TCF4: variants seen among roughly 807,000 people sequenced by gnomAD.
TCF4 encodes transcription factor 4.
Under a neutral mutation model 82.1 loss-of-function variants are expected in TCF4, and 3 were observed. The ratio of observed to expected loss-of-function variants is 0.04; its 90% CI spans 0.02 to 0.09. The LOEUF is 0.09. Ranked by LOEUF, TCF4 falls within the 10% of genes least tolerant of loss-of-function variation. TCF4 has a pLI of 1.00. For missense variants in TCF4, 518 were observed against 852.7 expected (o/e 0.61, Z 4.89); for synonymous variants, 276 against 309.6 (o/e 0.89, Z 1.14).
chr18:55,316,303 A>G lies in TCF4; in HGVS notation c.549+34056T>C, dbSNP rs374852839. Among the ~76,000 whole-genome samples the G allele has an allele frequency of 6.6e-5, 10 of 152,226 alleles. No homozygotes were observed. In the East Asian group the frequency reaches 7.7e-4, roughly 12 times the overall value. On this transcript the variant is annotated intron_variant, in intron 8 of 19. Transcript: ENST00000354452. Reference sequence around the variant, plus strand: ...CAACTTTTACAATTGCCAGAACCACATCTAAAATCTCTAAATTTTCTGAAT... The same window carrying G: ...CAACTTTTACAATTGCCAGAACCACGTCTAAAATCTCTAAATTTTCTGAAT...
intron 15 of TCF4, among the ~76,000 whole-genome samples, chr18:55,248,839 A>C (rs1166446651): frequency 6.6e-6 from 1 of 152,028 alleles, no homozygotes; most frequent in Non-Finnish European, 1.5e-5. Flanking sequence ...GTGCCTCCAG[A>C]GTTCAAGCAA....
chr18:55,517,689 A>C (rs1250378980), intron 3 of TCF4, among the ~76,000 whole-genome samples: 1 of 152,208 alleles, frequency 6.6e-6, no homozygotes, highest in African/African-American at 2.4e-5. Context: ...TTCAAATGAG[A>C]TGGGAAGGCT....
intron 1 of TCF4, among the ~76,000 whole-genome samples, chr18:55,635,508 C>CAAA (rs1277113038): frequency 8.9e-6 from 1 of 111,998 alleles, no homozygotes; most frequent in Non-Finnish European, 1.9e-5. Flanking sequence ...GGCCCTGTCT[C>CAAA]AAAAAAAAAA....
chr18:55,326,733 C>G (rs996563015), intron 8 of TCF4, among the ~76,000 whole-genome samples: 1 of 152,072 alleles, frequency 6.6e-6, no homozygotes, highest in Non-Finnish European at 1.5e-5. Context: ...TATTTAGAAG[C>G]TAAACTAATT....
intron 3 of TCF4, among the ~76,000 whole-genome samples, chr18:55,510,052 A>G (rs1201271868): frequency 6.6e-6 from 1 of 152,166 alleles, no homozygotes; most frequent in Non-Finnish European, 1.5e-5. Context: ...ATTTTCTGAC[A>G]CTGCTTTTCA....
intron 5 of TCF4, among the ~76,000 whole-genome samples, chr18:55,415,574 A>C (rs990282747): frequency 6.6e-5 from 10 of 152,196 alleles, no homozygotes; most frequent in African/African-American, 2.2e-4. Flanking sequence ...CAGTCAGCCG[A>C]TGAGTGGCAT....
chr18:55,496,901 A>G (rs1333009180), intron 3 of TCF4, among the ~76,000 whole-genome samples: 1 of 151,780 alleles, frequency 6.6e-6, no homozygotes, highest in African/African-American at 2.4e-5. Flanking sequence ...AATTACAAAA[A>G]AAAAAAAAAA....
chr18:55,340,674 C>A (rs1166519203), intron 8 of TCF4, among the ~76,000 whole-genome samples: 1 of 151,580 alleles, frequency 6.6e-6, no homozygotes. Context: ...ATAGCTGAGA[C>A]CCTGGTCTTA....
At chr18:55,556,241 TG>T (rs979579626) in intron 3 of TCF4, among the ~76,000 whole-genome samples, 110 of 152,244 alleles carry the variant, frequency 7.2e-4, no homozygotes, top group African/African-American at 2.5e-3. Context: ...TTTTCCACAA[TG>T]CTCTGTATCT....
intron 3 of TCF4, among the ~76,000 whole-genome samples, chr18:55,581,253 C>A (rs573813755): frequency 8.6e-5 from 13 of 151,982 alleles, no homozygotes; most frequent in Admixed American, 2.0e-4. Flanking sequence ...ATTTGCAGGG[C>A]CATAGAGAAT....
At chr18:55,306,935 G>A (rs1185096158) in intron 8 of TCF4, among the ~76,000 whole-genome samples, 2 of 152,172 alleles carry the variant, frequency 1.3e-5, no homozygotes, top group Admixed American at 6.5e-5. Flanking sequence ...GGTGGGGGCA[G>A]GGGGAATAAA....
intron 8 of TCF4, among the ~76,000 whole-genome samples, chr18:55,306,025 A>C (rs2070205150): frequency 6.6e-6 from 1 of 152,106 alleles, no homozygotes; most frequent in Non-Finnish European, 1.5e-5. Context: ...ACCAGGTTGG[A>C]TTTTGTTTGC....
chr18:55,256,638 C>A (rs2056914942), intron 14 of TCF4, among the ~76,000 whole-genome samples: 2 of 152,144 alleles, frequency 1.3e-5, no homozygotes, highest in East Asian at 1.9e-4. Context: ...AAAACCTCAA[C>A]CCCGAGGAAC....
At chr18:55,334,863 G>T (rs2147840235) in intron 8 of TCF4, among the ~76,000 whole-genome samples, 1 of 152,258 alleles carries the variant, frequency 6.6e-6, no homozygotes, top group East Asian at 1.9e-4. Flanking sequence ...CATTTAAATG[G>T]CTTAATATCT....
chr18:55,388,894 C>T (rs192856243), intron 6 of TCF4, among the ~76,000 whole-genome samples: 22 of 152,048 alleles, frequency 1.4e-4, no homozygotes, highest in South Asian at 4.2e-4. Context: ...GAGGCCGAGG[C>T]GGGTGGATCA....
chr18:55,524,362 T>TAA (rs566442434), intron 3 of TCF4, among the ~76,000 whole-genome samples: 1 of 149,278 alleles, frequency 6.7e-6, no homozygotes, highest in Non-Finnish European at 1.5e-5. Context: ...TAATTCAATT[T>TAA]AAAAAAAAAA....
At chr18:55,567,269 T>G (rs1479994029) in intron 3 of TCF4, among the ~76,000 whole-genome samples, 1 of 152,204 alleles carries the variant, frequency 6.6e-6, no homozygotes, top group Admixed American at 6.5e-5. Flanking sequence ...ATAAAGGGTT[T>G]AATTAACCAG....
At chr18:55,387,876 G>A (rs1262727059) in intron 6 of TCF4, among the ~76,000 whole-genome samples, 1 of 152,134 alleles carries the variant, frequency 6.6e-6, no homozygotes, top group African/African-American at 2.4e-5. Context: ...AAGAAAGCGG[G>A]TACAAAGACA....
intron 5 of TCF4, among the ~76,000 whole-genome samples, chr18:55,413,052 GAACAAGAATAT>G (rs2094408746): frequency 6.6e-6 from 1 of 152,064 alleles, no homozygotes; most frequent in Non-Finnish European, 1.5e-5. Context: ...AGTTTACAGT[GAACAAGAATAT>G]AACAATGTTC....
Sources: gnomAD v4.1 joint callset for allele counts (sites outside exome capture counted in the v4.1 genomes callset) on GRCh38, gnomAD v4.1.1 for gene constraint, MANE v1.5 for transcripts, NCBI Gene and HGNC (gene_info 2026-07-23, HGNC 2026-07-21) for gene names.